The following PRMT8 variants were observed in gnomAD, a reference collection of about 807,000 sequenced individuals.
PRMT8 encodes the protein protein arginine N-methyltransferase 8.
PRMT8 carries 7 observed loss-of-function variants against 47.1 expected under a neutral mutation model. The observed-to-expected ratio is 0.15, with a 90% confidence interval of 0.08 to 0.28. The LOEUF is 0.28. PRMT8 is among the 10% of genes least tolerant of loss of function. PRMT8 has a pLI of 1.00. For synonymous variants in PRMT8, 188 were observed against 186.5 expected (o/e 1.01, Z -0.07); for missense variants, 237 against 505.4 (o/e 0.47, Z 5.09).
chr12:3,536,723 C>T (rs778200007), intron 1 of PRMT8, among the ~76,000 whole-genome samples: 27 of 152,196 alleles, frequency 1.8e-4, no homozygotes, highest in Non-Finnish European at 2.5e-4. Context: ...GACTTTGTTT[C>T]GGAGCCCTTG....
chr12:3,465,841 G>GGT (rs1471027441), intron 1 of PRMT8, among the ~76,000 whole-genome samples: 1 of 152,164 alleles, frequency 6.6e-6, no homozygotes, highest in East Asian at 1.9e-4. Flanking sequence ...TTTGGATGGA[G>GGT]AACTCTGCAC....
intron 8 of PRMT8, among the ~76,000 whole-genome samples, chr12:3,586,271 C>G (rs554014140): frequency 1.3e-5 from 2 of 152,210 alleles, no homozygotes; most frequent in Admixed American, 1.3e-4. Context: ...ATCAAGACAT[C>G]GGCTCTGGGC....
At chr12:3,428,328 T>C (rs1864629618) in intron 1 of PRMT8, among the ~76,000 whole-genome samples, 3 of 152,250 alleles carry the variant, frequency 2.0e-5, no homozygotes, top group African/African-American at 7.2e-5. Context: ...GCTTTTTTTT[T>C]CCCCTTAAGA....
chr12:3,463,507 T>A (rs569481607), intron 1 of PRMT8: 2 of 152,222 alleles, frequency 1.3e-5, no homozygotes, highest in Non-Finnish European at 2.9e-5. Context: ...ATTTTACTCT[T>A]GGCTCTGCTG....
intron 8 of PRMT8, among the ~76,000 whole-genome samples, chr12:3,588,837 G>A (rs1430310991): frequency 1.3e-5 from 2 of 152,220 alleles, no homozygotes; most frequent in African/African-American, 4.8e-5. Context: ...TTCAGAATGG[G>A]GAAGGCTGAA....
chr12:3,573,876 A>T (rs1866893392), intron 6 of PRMT8: 1 of 152,208 alleles, frequency 6.6e-6, no homozygotes, highest in Non-Finnish European at 1.5e-5. Context: ...ACAGCATACA[A>T]ATAATTATTG....
chr12:3,521,313 C>T lies in PRMT8; in HGVS notation c.76-19293C>T, dbSNP rs1865878131. 3.3e-5 allele frequency among the ~76,000 whole-genome samples: 5 copies of T among 152,204 alleles called. No individual in the cohort carries two copies. The South Asian group carries it at 1.0e-3, about 31-fold the overall frequency. ...GGTGGGCCAGGCATGGTGGCTCATGCTTGTAATCCCAGCACTTTGGGAGGC... is the reference window on the plus strand; with the variant it reads ...GGTGGGCCAGGCATGGTGGCTCATGTTTGTAATCCCAGCACTTTGGGAGGC... On this transcript the variant is annotated intron_variant, in intron 1 of 9. Transcript: ENST00000382622.
intron 1 of PRMT8, among the ~76,000 whole-genome samples, chr12:3,467,132 C>T (rs897768507): frequency 6.4e-5 from 9 of 141,346 alleles, no homozygotes; most frequent in Non-Finnish European, 1.4e-4. Flanking sequence ...CCCAGCTACT[C>T]GGGAGGCTGA....
intron 1 of PRMT8, among the ~76,000 whole-genome samples, chr12:3,530,744 G>A (rs968184043): frequency 6.6e-6 from 1 of 152,196 alleles, no homozygotes; most frequent in Non-Finnish European, 1.5e-5. Context: ...CCTGTGCCAC[G>A]AAAGGCCCAG....
chr12:3,541,494 C>CTAAG (rs2137165915), intron 2 of PRMT8, among the ~76,000 whole-genome samples: 1 of 152,316 alleles, frequency 6.6e-6, no homozygotes, highest in South Asian at 2.1e-4. Flanking sequence ...TGAGTGCTTG[C>CTAAG]TAAGTGACAG....
intron 1 of PRMT8, among the ~76,000 whole-genome samples, chr12:3,430,969 C>G (rs911064862): frequency 4.6e-5 from 7 of 152,148 alleles, no homozygotes; most frequent in African/African-American, 1.7e-4. Flanking sequence ...GAAGCTGGGG[C>G]AGTGCCAGGC....
intron 1 of PRMT8, among the ~76,000 whole-genome samples, chr12:3,432,160 C>G (rs1864687967): frequency 1.3e-5 from 2 of 152,184 alleles, no homozygotes; most frequent in Non-Finnish European, 2.9e-5. Flanking sequence ...GGGCAGAGGC[C>G]TGGTGTGGCT....
At chr12:3,547,436 T>C (rs1301778240) in intron 2 of PRMT8, among the ~76,000 whole-genome samples, 2 of 151,766 alleles carry the variant, frequency 1.3e-5, no homozygotes, top group East Asian at 1.9e-4. Flanking sequence ...CACCAACCCA[T>C]TGCAAAATGA....
chr12:3,426,657 A>G (rs1044479436), intron 1 of PRMT8, among the ~76,000 whole-genome samples: 1 of 152,370 alleles, frequency 6.6e-6, no homozygotes, highest in Non-Finnish European at 1.5e-5. Flanking sequence ...TGACTTGGTT[A>G]TGTTAATAAC....
intron 1 of PRMT8, among the ~76,000 whole-genome samples, chr12:3,528,951 G>A (rs1442016358): frequency 6.6e-6 from 1 of 152,144 alleles, no homozygotes; most frequent in East Asian, 1.9e-4. Context: ...TCTGGCTGGG[G>A]AGAGCAAGAA....
Position 3,569,503 on chromosome 12 carries a change from C to T in PRMT8, c.651C>T (p.Asp217=). The change falls in exon 6 of 10, where the codon GAC becomes GAT. Residue 217 remains aspartate (D), a synonymous_variant. Coordinates refer to ENST00000382622, the MANE Select transcript of PRMT8 (RefSeq NM_019854.5). The surrounding 1 kb of genome is among the most constrained non-coding windows in gnomAD (Gnocchi z 8.2). ...WLKPGGLMFP[D]RAALYVVAIE... is the part of the protein sequence containing the mutation. ...AACCTGGAGGGCTTATGTTTCCAGA[C>T]CGGGCAGCTTTGTACGTGGTAGCGA... 3 of 1,614,186 alleles carry T rather than the reference C, an allele frequency of 1.9e-6. No homozygotes were observed. Among genetic ancestry groups the T allele is most frequent in the Non-Finnish European group, 2.5e-6 (3 of 1,180,026 alleles).
In PRMT8 at chr12:3,409,683, A is replaced by T. The variant is rs1696969456; in HGVS notation, c.48+28241A>T. Among the ~76,000 whole-genome samples the T allele has an allele frequency of 2.0e-5, 3 of 152,012 alleles. No individual in the cohort carries two copies. The highest frequency in any genetic ancestry group is 6.5e-5 in the Admixed American group (1 of 15,276). On this transcript the variant is annotated intron_variant, in intron 1 of 9. Transcript: ENST00000452611. The surrounding 1 kb of genome is among the most constrained non-coding windows in gnomAD (Gnocchi z 4.4). The stretch of plus-strand genomic sequence containing the variant: ...ATGCTCTGTTTTCCTGGGATGTGGG[A>T]TGCCACATCAGCTCAGCCCTGGAAG...
rs1864976728 is a variant in PRMT8 at position 3,456,699 on chromosome 12, A to G, written c.48+75257A>G. On this transcript the variant is annotated intron_variant, in intron 1 of 9. Transcript: ENST00000452611. This position sits in a 1 kb window ranked among gnomAD's most constrained non-coding sequence, Gnocchi z 4.2. Reference sequence around the variant, plus strand: ...GCAGGGGTGAGCTAGTTTGGCCTGGAGGGGAGGGCAGTGAGGAACCCGTGA... The same window carrying G: ...GCAGGGGTGAGCTAGTTTGGCCTGGGGGGGAGGGCAGTGAGGAACCCGTGA... Among the ~76,000 whole-genome samples the G allele has an allele frequency of 6.6e-6, 1 of 152,022 alleles. No homozygotes were observed. Among genetic ancestry groups the G allele is most frequent in the African/African-American group, 2.4e-5 (1 of 41,392 alleles).
intron 1 of PRMT8, among the ~76,000 whole-genome samples, chr12:3,459,541 T>A (rs914048937): frequency 6.6e-6 from 1 of 152,118 alleles, no homozygotes; most frequent in African/African-American, 2.4e-5. Context: ...GGAGTCAGGG[T>A]CTCTGGAATC....
Sources: gnomAD v4.1 joint callset for allele counts (sites outside exome capture counted in the v4.1 genomes callset) on GRCh38, gnomAD v4.1.1 for gene constraint, Gnocchi (gnomAD v3.1) non-coding constraint, MANE v1.5 for transcripts, NCBI Gene and HGNC (gene_info 2026-07-23, HGNC 2026-07-21) for gene names.